The following FAM222A variants were observed in gnomAD, a reference collection of about 807,000 sequenced individuals.
The protein encoded by FAM222A is protein FAM222A.
In FAM222A, 7 loss-of-function variants were observed where a neutral mutation model predicts 25.8. The observed-to-expected ratio is 0.27, with a 90% CI of 0.15 to 0.51. The LOEUF (loss-of-function observed/expected upper bound fraction) is 0.51. Among genes scored for constraint, FAM222A ranks in the 20% least tolerant of loss-of-function variants. The probability of loss-of-function intolerance (pLI) is 0.97; values close to 1 mark genes in which losing one functional copy is unlikely to be tolerated. For missense variants in FAM222A, 573 were observed against 640.5 expected, an observed-to-expected ratio of 0.89 and a Z score of 1.14; for synonymous variants, 294 against 298.8, an observed-to-expected ratio of 0.98 and a Z score of 0.17.
intron 2 of FAM222A, among the ~76,000 whole-genome samples, chr12:109,746,899 G>A (rs1888410942): frequency 6.6e-6 from 1 of 152,118 alleles, no homozygotes; most frequent in Non-Finnish European, 1.5e-5. Flanking sequence ...TGTATATCCA[G>A]GTCGAGTAGC....
chr12:109,731,063 C>T (rs546247345), intron 1 of FAM222A, among the ~76,000 whole-genome samples: 13 of 152,070 alleles, frequency 8.5e-5, no homozygotes, highest in African/African-American at 2.4e-4. Flanking sequence ...CCAAGGGACT[C>T]GGTGGCTTAC....
At chr12:109,730,413 G>A (rs1002643837) in intron 1 of FAM222A, among the ~76,000 whole-genome samples, 1 of 151,118 alleles carries the variant, frequency 6.6e-6, no homozygotes, top group African/African-American at 2.4e-5. Context: ...GGGCGGGGGG[G>A]GGGGTTCCTC....
intron 2 of FAM222A, among the ~76,000 whole-genome samples, chr12:109,749,945 T>G: frequency 6.6e-6 from 1 of 152,240 alleles, no homozygotes; most frequent in East Asian, 1.9e-4. Flanking sequence ...TGAATTACTT[T>G]GTTTAGATGT....
In FAM222A at chr12:109,750,269, A is replaced by AT. The variant is rs1467057458; in HGVS notation, c.82+6047dup. 6.6e-5 allele frequency among the ~76,000 whole-genome samples: 10 copies of AT among 152,268 alleles called. No individual in the cohort carries two copies. The East Asian group carries it at 7.7e-4, about 12-fold the overall frequency. Reference sequence around the variant, plus strand: ...AGGAATAAAATGATGAAATTGGTAGATTTTTTCTCTCCACAACATTTTCTT... The same window carrying AT: ...AGGAATAAAATGATGAAATTGGTAGATTTTTTTCTCTCCACAACATTTTCTT... On this transcript the variant is annotated intron_variant, in intron 2 of 2. Transcript: ENST00000538780.
chr12:109,724,598 A>G (rs961831546), intron 1 of FAM222A, among the ~76,000 whole-genome samples: 1 of 152,148 alleles, frequency 6.6e-6, no homozygotes, highest in Non-Finnish European at 1.5e-5. Context: ...GAGAGGACTC[A>G]CCTGAAGCAA....
At chr12:109,767,985 G>A (rs938173456) in intron 2 of FAM222A, 27 bp from the exon 3 acceptor site, 3 of 1,600,680 alleles carry the variant, frequency 1.9e-6, no homozygotes, top group Non-Finnish European at 1.7e-6. Flanking sequence ...CTCCTGATGG[G>A]CCCTCACACC....
At chr12:109,719,043 G>A (rs958107678) in intron 1 of FAM222A, among the ~76,000 whole-genome samples, 15 of 152,184 alleles carry the variant, frequency 9.9e-5, no homozygotes, top group Non-Finnish European at 1.8e-4. Flanking sequence ...GGGAAACGGA[G>A]ACCCTGGGGA....
chr12:109,744,253 T>C, intron 2 of FAM222A, 25 bp downstream of exon 2: 1 of 1,604,836 alleles, frequency 6.2e-7, no homozygotes. Flanking sequence ...TCCCCAGCCT[T>C]TGCAGGGCAG....
rs954687219 is a variant in FAM222A, at chr12:109,770,366, C to A, written c.*1078C>A. 1.3e-5 allele frequency: 2 copies of A among 152,616 alleles called. No homozygotes were observed. 9.5% of individuals were successfully genotyped at this position (152,616 alleles called of 1,614,324 possible). A position where few individuals can be genotyped will look rare whatever the true frequency, so the allele number is the denominator to read the frequency against. On this transcript the variant is annotated 3_prime_UTR_variant, in exon 3 of 3. Transcript: ENST00000538780. ...TCTCTCTCCAAGGCCTGGTCAAGCA[C>A]TAAGTGCATTTACAAATCTCTGAGA...
At chr12:109,721,597 G>GAGC (rs1237351003) in intron 1 of FAM222A, among the ~76,000 whole-genome samples, 1 of 152,186 alleles carries the variant, frequency 6.6e-6, no homozygotes, top group East Asian at 1.9e-4. Flanking sequence ...TGGCCTCAAT[G>GAGC]AGCTCAGGGT....
chr12:109,768,937 C>T lies in FAM222A; in HGVS notation c.1008C>T (p.Pro336=). ...GSPLNCGVGL[P]TSFTVGQYFA... is the part of the protein sequence containing the mutation. ...CCCTCAACTGTGGCGTGGGGCTGCC[C>T]ACCAGCTTCACCGTAGGCCAGTACT... The change falls in exon 3 of 3, where the codon CCC becomes CCT. Residue 336 remains proline, a synonymous_variant. Transcript: ENST00000538780. 3 of 1,574,218 alleles carry T rather than the reference C, an allele frequency of 1.9e-6. No homozygotes were observed. The highest frequency in any genetic ancestry group is 2.6e-6 in the Non-Finnish European group (3 of 1,166,808).
chr12:109,728,888 T>C (rs1887889051), intron 1 of FAM222A, among the ~76,000 whole-genome samples: 2 of 151,956 alleles, frequency 1.3e-5, no homozygotes, highest in East Asian at 3.9e-4. Flanking sequence ...GTTCCATCTC[T>C]AAGACTAACC....
chr12:109,715,167 G>C (rs1259290324), intron 1 of FAM222A, among the ~76,000 whole-genome samples: 1 of 152,050 alleles, frequency 6.6e-6, no homozygotes, highest in South Asian at 2.1e-4. Flanking sequence ...GCTAACAAAG[G>C]TATTGGCTGT....
intron 2 of FAM222A, among the ~76,000 whole-genome samples, chr12:109,750,928 A>T (rs1888543005): frequency 6.6e-6 from 1 of 151,876 alleles, no homozygotes; most frequent in Non-Finnish European, 1.5e-5. Flanking sequence ...CATATCTTTC[A>T]TGTCCAGTTA....
chr12:109,744,314 C>A (rs1292689267), intron 2 of FAM222A, 86 bp downstream of exon 2: 16 of 1,500,324 alleles, frequency 1.1e-5, no homozygotes, highest in Non-Finnish European at 1.2e-5. Flanking sequence ...CCTACCATGG[C>A]CCTGTCGGAA....
At chr12:109,752,087 C>T (rs1888576476) in intron 2 of FAM222A, among the ~76,000 whole-genome samples, 1 of 152,192 alleles carries the variant, frequency 6.6e-6, no homozygotes, top group African/African-American at 2.4e-5. Flanking sequence ...AGGGTCTGTG[C>T]CTTTTAACCT....
At chr12:109,756,648 CATTA>C (rs1472256798) in intron 2 of FAM222A, among the ~76,000 whole-genome samples, 2 of 152,162 alleles carry the variant, frequency 1.3e-5, no homozygotes. Flanking sequence ...ATGGTATTAA[CATTA>C]ATTGATTTTT....
At chr12:109,715,684 C>T (rs2136312510) in intron 1 of FAM222A, among the ~76,000 whole-genome samples, 1 of 152,338 alleles carries the variant, frequency 6.6e-6, no homozygotes, top group African/African-American at 2.4e-5. Flanking sequence ...TGATGCTCCT[C>T]CCCGCAAGGA....
At chr12:109,759,327 A>G (rs1324087507) in intron 2 of FAM222A, among the ~76,000 whole-genome samples, 1 of 152,106 alleles carries the variant, frequency 6.6e-6, no homozygotes, top group Non-Finnish European at 1.5e-5. Flanking sequence ...ACTCTGCGGT[A>G]GGTGCCTGGG....
Sources: gnomAD v4.1 joint callset for allele counts (sites outside exome capture counted in the v4.1 genomes callset) on GRCh38, gnomAD v4.1.1 for gene constraint, MANE v1.5 for transcripts, NCBI Gene and HGNC (gene_info 2026-07-23, HGNC 2026-07-21) for gene names.